Variants in BLOC1S5 observed in about 807,000 individuals in gnomAD.
BLOC1S5 encodes the protein biogenesis of lysosome-related organelles complex 1 subunit 5.
Under a neutral mutation model 24.3 loss-of-function variants are expected in BLOC1S5, and 27 were observed. The ratio of observed to expected loss-of-function variants is 1.11; its 90% CI spans 0.82 to 1.53. The LOEUF (loss-of-function observed/expected upper bound fraction) is 1.53. Among genes scored for constraint, BLOC1S5 ranks in the 40% most tolerant of loss-of-function variants. The probability of loss-of-function intolerance (pLI) is 0.00; values close to 1 mark genes in which losing one functional copy is unlikely to be tolerated. For synonymous variants in BLOC1S5, 84 were observed against 74.5 expected, an observed-to-expected ratio of 1.13 and a Z score of -0.66; for missense variants, 239 against 229.4, an observed-to-expected ratio of 1.04 and a Z score of -0.27.
At chr6:8,019,597 T>G (rs1762853744) in intron 4 of BLOC1S5, among the ~76,000 whole-genome samples, 1 of 74,686 alleles carries the variant, frequency 1.3e-5, no homozygotes, top group African/African-American at 5.3e-5. Context: ...CAACAATCAG[T>G]AAAGAAAAAA....
chr6:8,032,822 A>G (rs552118240), intron 3 of BLOC1S5, among the ~76,000 whole-genome samples: 1 of 152,330 alleles, frequency 6.6e-6, no homozygotes, highest in South Asian at 2.1e-4. Context: ...AAGCATTCCT[A>G]TACAGCATTA....
chr6:8,026,762 G>C (rs1049892738), intron 3 of BLOC1S5, among the ~76,000 whole-genome samples: 4 of 152,104 alleles, frequency 2.6e-5, no homozygotes, highest in African/African-American at 7.2e-5. Context: ...TACTATTCTT[G>C]CCTGTGCTCT....
intron 1 of BLOC1S5, among the ~76,000 whole-genome samples, chr6:8,063,130 T>C (rs1299950520): frequency 1.8e-4 from 27 of 152,146 alleles, no homozygotes; most frequent in Admixed American, 1.8e-3. Context: ...TTCAAAATAT[T>C]TCCTTTTGGG....
intron 2 of BLOC1S5, among the ~76,000 whole-genome samples, chr6:8,059,665 T>G (rs1342348632): frequency 6.6e-6 from 1 of 152,224 alleles, no homozygotes; most frequent in East Asian, 1.9e-4. Context: ...AGCTTTTTCC[T>G]TCTAATTTGA....
At chr6:8,061,375 G>A (rs916492062) in intron 2 of BLOC1S5, among the ~76,000 whole-genome samples, 5 of 152,094 alleles carry the variant, frequency 3.3e-5, no homozygotes, top group Non-Finnish European at 5.9e-5. Flanking sequence ...TATTATACAC[G>A]TTAAGATGTT....
rs565730000 is a variant in BLOC1S5, at chr6:8,021,577, T to C, written c.384+4790A>G. On this transcript the variant is annotated intron_variant, in intron 4 of 4. Coordinates refer to ENST00000397457, the MANE Select transcript of BLOC1S5 (RefSeq NM_201280.3). The stretch of plus-strand genomic sequence containing the variant: ...TCGCACCACTGCACTCCACCCTGGG[T>C]GACAAAAGCAAAACTCCATCTCAAA... Among the ~76,000 whole-genome samples, 5 of 151,958 alleles carry C rather than the reference T, an allele frequency of 3.3e-5. 1 individual carries two copies. Among genetic ancestry groups the C allele is most frequent in the African/African-American group, 1.2e-4 (5 of 41,436 alleles).
At chr6:8,055,477 T>C (rs1764275148) in intron 2 of BLOC1S5, among the ~76,000 whole-genome samples, 1 of 152,228 alleles carries the variant, frequency 6.6e-6, no homozygotes, top group Admixed American at 6.5e-5. Context: ...TTCTATTTTT[T>C]GTGTGGTCAA....
At chr6:8,061,806 C>T (rs1242018255) in intron 2 of BLOC1S5, among the ~76,000 whole-genome samples, 3 of 152,202 alleles carry the variant, frequency 2.0e-5, no homozygotes, top group African/African-American at 7.2e-5. Flanking sequence ...ATGTACAAAA[C>T]TACAGTAATA....
At chr6:8,045,050 C>T (rs1763833055) in intron 2 of BLOC1S5, among the ~76,000 whole-genome samples, 1 of 152,240 alleles carries the variant, frequency 6.6e-6, no homozygotes, top group African/African-American at 2.4e-5. Context: ...CAGAGGTCTT[C>T]ATGGCTGTCC....
chr6:8,047,891 C>T (rs1043105229), intron 2 of BLOC1S5, among the ~76,000 whole-genome samples: 9 of 152,140 alleles, frequency 5.9e-5, no homozygotes, highest in African/African-American at 2.2e-4. Flanking sequence ...GAGAAACTGC[C>T]CCCAACAACA....
chr6:8,062,486 C>T (rs756015053), intron 2 of BLOC1S5, 48 bp downstream of exon 2: 13 of 1,166,324 alleles, frequency 1.1e-5, no homozygotes, highest in East Asian at 5.0e-5. Flanking sequence ...TATAATAACA[C>T]ACTAACAATT....
intron 2 of BLOC1S5, among the ~76,000 whole-genome samples, chr6:8,054,627 C>G (rs12524282): frequency 0.16 from 23,829 of 152,226 alleles, 1,943 homozygotes; most frequent in Admixed American, 0.19. Context: ...CTGTTAACAA[C>G]TGCGTTTTCT....
chr6:8,026,194 T>TA (rs961768018), intron 4 of BLOC1S5, among the ~76,000 whole-genome samples, 173 bp downstream of exon 4: 1 of 152,200 alleles, frequency 6.6e-6, no homozygotes, highest in African/African-American at 2.4e-5. Flanking sequence ...ATTTCAATTA[T>TA]AAAAATATTG....
At chr6:8,019,784 A>G (rs919982651) in intron 4 of BLOC1S5, among the ~76,000 whole-genome samples, 5 of 152,228 alleles carry the variant, frequency 3.3e-5, no homozygotes, top group African/African-American at 9.7e-5. Flanking sequence ...ACTGCACATG[A>G]AAAGCCCTTC....
At chr6:8,050,025 C>G (rs1764052948) in intron 2 of BLOC1S5, among the ~76,000 whole-genome samples, 1 of 152,114 alleles carries the variant, frequency 6.6e-6, no homozygotes, top group South Asian at 2.1e-4. Flanking sequence ...GTATATACTT[C>G]TAAGTGTACG....
intron 1 of BLOC1S5, 55 bp from the exon 2 acceptor site, chr6:8,062,671 A>T (rs964710206): frequency 8.2e-7 from 1 of 1,215,942 alleles, no homozygotes; most frequent in African/African-American, 1.5e-5. Flanking sequence ...CATAATCTCT[A>T]GCTTGTTTTA....
Sources: gnomAD v4.1 joint callset for allele counts (sites outside exome capture counted in the v4.1 genomes callset) on GRCh38, gnomAD v4.1.1 for gene constraint, MANE v1.5 for transcripts, NCBI Gene and HGNC (gene_info 2026-07-23, HGNC 2026-07-21) for gene names.